CSMD1: variants seen among roughly 807,000 people sequenced by gnomAD.
CSMD1 encodes CUB and sushi domain-containing protein 1.
CSMD1 carries 213 observed loss-of-function variants against 417.5 expected under a neutral mutation model. The observed-to-expected ratio is 0.51, with a 90% confidence interval of 0.46 to 0.57. The LOEUF is 0.57. Among genes scored for constraint, CSMD1 ranks in the 20% least tolerant of loss-of-function variants. The pLI is 0.00. For synonymous variants in CSMD1, 2,862 were observed against 1,736.8 expected, an observed-to-expected ratio of 1.65 and a Z score of -16.11; for missense variants, 6,923 against 4,529.7, an observed-to-expected ratio of 1.53 and a Z score of -15.17.
chr8:4,471,290 G>C (rs139788847), intron 2 of CSMD1, among the ~76,000 whole-genome samples: 11 of 152,214 alleles, frequency 7.2e-5, no homozygotes, highest in African/African-American at 2.6e-4. Context: ...TCACAACAAA[G>C]TCAAACAGGT....
At chr8:4,601,691 G>A (rs2130765862) in intron 2 of CSMD1, among the ~76,000 whole-genome samples, 1 of 152,226 alleles carries the variant, frequency 6.6e-6, no homozygotes, top group Admixed American at 6.5e-5. Flanking sequence ...ATGCAATGAG[G>A]GGATCGTGAT....
At chr8:3,431,429 C>T (rs768338121) in intron 12 of CSMD1, among the ~76,000 whole-genome samples, 1 of 152,108 alleles carries the variant, frequency 6.6e-6, no homozygotes, top group Non-Finnish European at 1.5e-5. Flanking sequence ...TGTCTTTTCC[C>T]GGAAGTCAGC....
intron 2 of CSMD1, among the ~76,000 whole-genome samples, chr8:4,429,625 G>A (rs116776711): frequency 6.8e-4 from 103 of 152,208 alleles, no homozygotes; most frequent in African/African-American, 2.3e-3. Flanking sequence ...ATTCCAGAGA[G>A]AGAAACGAAT....
intron 12 of CSMD1, among the ~76,000 whole-genome samples, chr8:3,439,604 C>A (rs1563391029): frequency 1.3e-5 from 2 of 151,272 alleles, no homozygotes; most frequent in African/African-American, 4.9e-5. Flanking sequence ...TACAGCTTAT[C>A]TTTTCAAGTT....
chr8:3,511,628 G>C (rs1490247665), intron 10 of CSMD1, among the ~76,000 whole-genome samples: 2 of 151,380 alleles, frequency 1.3e-5, no homozygotes, highest in African/African-American at 2.4e-5. Context: ...CATGGTAGCA[G>C]ATGTCTGTGA....
intron 23 of CSMD1, among the ~76,000 whole-genome samples, chr8:3,331,728 G>T (rs1277767985): frequency 6.6e-6 from 1 of 152,124 alleles, no homozygotes; most frequent in African/African-American, 2.4e-5. Context: ...GTATGTACCT[G>T]GAATGAACTT....
chr8:4,194,937 T>G (rs2552111), intron 3 of CSMD1, among the ~76,000 whole-genome samples: 21,938 of 151,818 alleles, frequency 0.14, 1,724 homozygotes, highest in Middle Eastern at 0.22. Context: ...GAAGAGGTGA[T>G]TAGTCCCCGG....
chr8:4,593,763 T>C (rs1800113437), intron 2 of CSMD1, among the ~76,000 whole-genome samples: 1 of 152,102 alleles, frequency 6.6e-6, no homozygotes. Flanking sequence ...ATCATTTCCA[T>C]TTTGCAAAAA....
intron 30 of CSMD1, among the ~76,000 whole-genome samples, chr8:3,210,451 G>T (rs552180087): frequency 6.7e-6 from 1 of 148,872 alleles, no homozygotes; most frequent in Non-Finnish European, 1.5e-5. Flanking sequence ...ACATATATAT[G>T]ACCTATATAT....
chr8:3,630,457 G>C (rs1796722512), intron 7 of CSMD1, among the ~76,000 whole-genome samples: 1 of 152,292 alleles, frequency 6.6e-6, no homozygotes, highest in South Asian at 2.1e-4. Context: ...CAAGAAAGAA[G>C]AAAAGGAGAA....
chr8:4,520,195 A>T (rs1001069382), intron 2 of CSMD1, among the ~76,000 whole-genome samples: 4 of 152,180 alleles, frequency 2.6e-5, no homozygotes, highest in African/African-American at 9.6e-5. Flanking sequence ...TAAAAATGCA[A>T]TATCGTGGCA....
intron 2 of CSMD1, among the ~76,000 whole-genome samples, chr8:4,471,754 T>C (rs896943101): frequency 1.3e-5 from 2 of 152,094 alleles, no homozygotes; most frequent in African/African-American, 2.4e-5. Context: ...GTTAGACCCA[T>C]TTCTTTAGCG....
At chr8:3,970,429 C>A (rs956050894) in intron 5 of CSMD1, among the ~76,000 whole-genome samples, 2 of 152,112 alleles carry the variant, frequency 1.3e-5, no homozygotes, top group African/African-American at 4.8e-5. Context: ...GATTTTATTA[C>A]CCCAGGACAT....
intron 5 of CSMD1, among the ~76,000 whole-genome samples, chr8:3,874,330 C>A (rs1234330482): frequency 6.6e-6 from 1 of 152,154 alleles, no homozygotes; most frequent in Admixed American, 6.5e-5. Flanking sequence ...TAACTCTTAT[C>A]TAAAGTGAGG....
intron 1 of CSMD1, among the ~76,000 whole-genome samples, chr8:4,702,608 C>A (rs554135937): frequency 2.6e-4 from 39 of 152,250 alleles, no homozygotes; most frequent in Non-Finnish European, 4.3e-4. Flanking sequence ...ACAAAATGAA[C>A]CTCATTACCA....
chr8:4,669,685 C>G (rs970597181), intron 1 of CSMD1, among the ~76,000 whole-genome samples: 3 of 152,120 alleles, frequency 2.0e-5, no homozygotes, highest in Non-Finnish European at 4.4e-5. Flanking sequence ...TGGTTTTTTG[C>G]TAACTTGAAC....
intron 3 of CSMD1, among the ~76,000 whole-genome samples, chr8:4,276,281 A>G (rs1289379272): frequency 6.6e-6 from 1 of 152,240 alleles, no homozygotes; most frequent in Non-Finnish European, 1.5e-5. Context: ...ACACCACGGA[A>G]TACTATGCAG....
chr8:4,272,383 C>G (rs968228931), intron 3 of CSMD1, among the ~76,000 whole-genome samples: 2 of 152,142 alleles, frequency 1.3e-5, no homozygotes, highest in Non-Finnish European at 2.9e-5. Flanking sequence ...CCTGAAGTCT[C>G]AGTTTCCAAG....
intron 7 of CSMD1, among the ~76,000 whole-genome samples, chr8:3,633,885 T>G (rs11990116): frequency 0.025 from 3,875 of 152,326 alleles, 171 homozygotes; most frequent in African/African-American, 0.087. Context: ...ACCTGACGTA[T>G]GTATTCAAAA....
Sources: gnomAD v4.1 joint callset for allele counts (sites outside exome capture counted in the v4.1 genomes callset) on GRCh38, gnomAD v4.1.1 for gene constraint, MANE v1.5 for transcripts, NCBI Gene and HGNC (gene_info 2026-07-23, HGNC 2026-07-21) for gene names.